The following DAGLB variants were observed in gnomAD, a reference collection of about 807,000 sequenced individuals.
DAGLB encodes diacylglycerol lipase beta, also known as diacylglycerol lipase-beta.
A neutral mutation model predicts 72.1 loss-of-function variants in DAGLB; 66 were observed. The observed-to-expected ratio is 0.92, with a 90% CI of 0.75 to 1.12. The LOEUF (loss-of-function observed/expected upper bound fraction) is 1.12, where lower values mean the gene tolerates loss of function less well. Among genes scored for constraint, DAGLB ranks in the 50% most tolerant of loss-of-function variants. DAGLB has a pLI of 0.00. For missense variants in DAGLB, 1,065 were observed against 884.9 expected, an observed-to-expected ratio of 1.20 and a Z score of -2.58; for synonymous variants, 414 against 359.5, an observed-to-expected ratio of 1.15 and a Z score of -1.71.
chr7:6,421,958 G>A (rs1330824868), intron 8 of DAGLB, 154 bp from the exon 9 acceptor site: 5 of 852,208 alleles, frequency 5.9e-6, no homozygotes, highest in Non-Finnish European at 9.5e-6. Context: ...AACTAAAGAG[G>A]GAAACCCAGC....
chr7:6,416,386 A>T (rs1783917175), intron 11 of DAGLB: 1 of 408,816 alleles, frequency 2.4e-6, no homozygotes, highest in Non-Finnish European at 4.2e-6. Flanking sequence ...ACTACTAAAA[A>T]TACAAAAATT....
chr7:6,446,250 C>A, intron 1 of DAGLB, 146 bp from the exon 2 acceptor site: 2 of 623,214 alleles, frequency 3.2e-6, no homozygotes, highest in Non-Finnish European at 4.8e-6. Flanking sequence ...GGGCGGATCA[C>A]AAGGTCAGGA....
chr7:6,419,180 C>A (rs947856607), intron 9 of DAGLB, among the ~76,000 whole-genome samples: 2 of 150,972 alleles, frequency 1.3e-5, no homozygotes, highest in East Asian at 1.9e-4. Context: ...CACCACCACA[C>A]CCGGCTAATT....
At chr7:6,417,496 C>T (rs1312136832) in intron 9 of DAGLB, 1 of 153,534 alleles carries the variant, frequency 6.5e-6, no homozygotes, top group East Asian at 1.9e-4. Context: ...TGTAGCTACA[C>T]CGTTTTGTGC....
chr7:6,424,648 C>T (rs1784244272), intron 8 of DAGLB, 104 bp downstream of exon 8: 4 of 1,074,828 alleles, frequency 3.7e-6, no homozygotes, highest in African/African-American at 3.1e-5. Flanking sequence ...CACCATTTTC[C>T]CCTGTGTCTC....
intron 8 of DAGLB, among the ~76,000 whole-genome samples, chr7:6,424,381 A>C (rs1188458272): frequency 6.6e-6 from 1 of 152,020 alleles, no homozygotes; most frequent in African/African-American, 2.4e-5. Context: ...TCTCTGCAGC[A>C]AGACTGACTC....
intron 8 of DAGLB, among the ~76,000 whole-genome samples, chr7:6,423,637 G>C (rs1051173729): frequency 1.1e-4 from 16 of 150,746 alleles, no homozygotes; most frequent in African/African-American, 2.2e-4. Context: ...CTCCAGGCTG[G>C]AGTGCAGTGG....
chr7:6,441,578 C>T (rs1350716703), intron 2 of DAGLB, among the ~76,000 whole-genome samples: 2 of 147,242 alleles, frequency 1.4e-5, no homozygotes, highest in Non-Finnish European at 3.0e-5. Context: ...CCACCACGCC[C>T]AGCTAATTTT....
At chr7:6,411,820 T>C (rs950655430) in intron 13 of DAGLB, among the ~76,000 whole-genome samples, 3 of 152,196 alleles carry the variant, frequency 2.0e-5, no homozygotes, top group African/African-American at 7.2e-5. Flanking sequence ...TATATCTGTA[T>C]CTCCTTGTCC....
At chr7:6,444,400 G>A (rs1000185104) in intron 2 of DAGLB, among the ~76,000 whole-genome samples, 4 of 152,100 alleles carry the variant, frequency 2.6e-5, no homozygotes, top group Non-Finnish European at 5.9e-5. Flanking sequence ...TCAGGAGATC[G>A]AGACAAGCCT....
At chr7:6,413,427 G>A (rs1783800795) in intron 11 of DAGLB, among the ~76,000 whole-genome samples, 1 of 152,108 alleles carries the variant, frequency 6.6e-6, no homozygotes, top group South Asian at 2.1e-4. Flanking sequence ...TCAGGAGATT[G>A]AAACCATCCT....
chr7:6,425,444 G>C (rs11977783), intron 7 of DAGLB, among the ~76,000 whole-genome samples: 1 of 152,092 alleles, frequency 6.6e-6, no homozygotes. Flanking sequence ...GCTAATTTTT[G>C]TATTTTTAGT....
chr7:6,422,048 A>G lies in DAGLB; in HGVS notation c.1141-244T>C, dbSNP rs115664933. 2.8e-3 allele frequency: 1,754 copies of G among 623,350 alleles called. 20 individuals carry two copies. Among genetic ancestry groups the G allele is most frequent in the African/African-American group, 0.026 (1,447 of 55,134 alleles). 38.6% of individuals were successfully genotyped at this position (623,350 alleles called of 1,614,324 possible). Reference sequence around the variant, plus strand: ...TGGAGGGGACCATGGAGTGTGCCTAAGACACGCCCTGCGCCTTCCCCATCA... The same window carrying G: ...TGGAGGGGACCATGGAGTGTGCCTAGGACACGCCCTGCGCCTTCCCCATCA... On this transcript the variant is annotated intron_variant, in intron 8 of 14. Coordinates refer to ENST00000297056, the MANE Select transcript of DAGLB (RefSeq NM_139179.4).
At chr7:6,439,041 G>T (rs1395874853) in intron 2 of DAGLB, among the ~76,000 whole-genome samples, 2 of 151,994 alleles carry the variant, frequency 1.3e-5, no homozygotes, top group Non-Finnish European at 2.9e-5. Flanking sequence ...GACTGTCTGA[G>T]CTCAGGAGTT....
chr7:6,426,382 G>A (rs575701665), intron 6 of DAGLB, among the ~76,000 whole-genome samples: 1 of 152,342 alleles, frequency 6.6e-6, no homozygotes, highest in South Asian at 2.1e-4. Context: ...CGATTCCCCT[G>A]CCTCAGCCTC....
intron 1 of DAGLB, among the ~76,000 whole-genome samples, chr7:6,446,518 A>G (rs1785009811): frequency 6.9e-6 from 1 of 145,516 alleles, no homozygotes; most frequent in African/African-American, 2.5e-5. Flanking sequence ...AAAGAAATAA[A>G]AGGAGTTAAT....
intron 3 of DAGLB, 83 bp downstream of exon 3, chr7:6,436,279 C>G (rs1784653734): frequency 2.0e-6 from 3 of 1,498,070 alleles, no homozygotes; most frequent in African/African-American, 1.4e-5. Flanking sequence ...CCGAGGGACG[C>G]TGGACTCTCT....
chr7:6,425,765 T>C (rs556516031), intron 7 of DAGLB, among the ~76,000 whole-genome samples: 14 of 152,338 alleles, frequency 9.2e-5, no homozygotes, highest in African/African-American at 3.1e-4. Flanking sequence ...CTATCTCTGA[T>C]GAAGACGTCT....
intron 14 of DAGLB, 43 bp downstream of exon 14, chr7:6,410,087 C>T (rs770882845): frequency 1.6e-5 from 26 of 1,585,208 alleles, no homozygotes; most frequent in South Asian, 5.8e-5. Context: ...GCTGACCCCG[C>T]GCTGCTCCTG....
Sources: gnomAD v4.1 joint callset for allele counts (sites outside exome capture counted in the v4.1 genomes callset) on GRCh38, gnomAD v4.1.1 for gene constraint, MANE v1.5 for transcripts, NCBI Gene and HGNC (gene_info 2026-07-23, HGNC 2026-07-21) for gene names.